Variants in RARB observed in about 807,000 individuals in gnomAD.
RARB encodes HBV-activated protein.
Under a neutral mutation model 51.9 loss-of-function variants are expected in RARB, and 17 were observed. That is an observed-to-expected ratio of 0.33 (90% confidence interval 0.22 to 0.49). RARB has a LOEUF of 0.49. Among genes scored for constraint, RARB ranks in the 20% least tolerant of loss-of-function variants. The probability of loss-of-function intolerance (pLI) is 0.99; values close to 1 mark genes in which losing one functional copy is unlikely to be tolerated. For synonymous variants in RARB, 215 were observed against 195.4 expected (o/e 1.10, Z -0.84); for missense variants, 369 against 550.8 (o/e 0.67, Z 3.30).
chr3:25,390,119 G>A (rs1037786084), intron 5 of RARB, among the ~76,000 whole-genome samples: 1 of 152,122 alleles, frequency 6.6e-6, no homozygotes, highest in African/African-American at 2.4e-5. Context: ...CCGATATGAT[G>A]ACATTAAGAG....
intron 3 of RARB, among the ~76,000 whole-genome samples, chr3:25,108,128 C>A (rs1275955246): frequency 6.6e-6 from 1 of 152,124 alleles, no homozygotes; most frequent in Non-Finnish European, 1.5e-5. Context: ...TGATTCATGT[C>A]TCGGGCAAGA....
rs141648165 is a variant in RARB at position 25,590,047 on chromosome 3, C to T, written c.787-3456C>T. 7.1e-3 allele frequency among the ~76,000 whole-genome samples: 1,087 copies of T among 152,232 alleles called. 6 individuals carry two copies. The highest frequency in any genetic ancestry group is 0.01 in the Non-Finnish European group (708 of 68,000). ...GGGCCATCCTGTTTCAGGCTGGGGC[C>T]GGGGCAGGGAAGGGAGGCTCCTCAG... is the stretch of plus-strand genomic sequence containing the variant. On this transcript the variant is annotated intron_variant, in intron 5 of 7. Coordinates refer to ENST00000330688, the MANE Select transcript of RARB (RefSeq NM_000965.5).
chr3:25,483,589 C>T (rs1366926586), intron 2 of RARB, among the ~76,000 whole-genome samples: 3 of 141,780 alleles, frequency 2.1e-5, no homozygotes, highest in Non-Finnish European at 4.5e-5. Flanking sequence ...TCCCATAGAG[C>T]TTCTGGTTCA....
At chr3:25,566,020 G>A (rs1234714471) in intron 3 of RARB, among the ~76,000 whole-genome samples, 2 of 152,090 alleles carry the variant, frequency 1.3e-5, no homozygotes, top group Non-Finnish European at 1.5e-5. Context: ...ACGAGTCCCT[G>A]CACTGCCCCA....
chr3:25,305,030 G>A (rs1475283149), intron 5 of RARB, among the ~76,000 whole-genome samples: 1 of 152,128 alleles, frequency 6.6e-6, no homozygotes, highest in Non-Finnish European at 1.5e-5. Flanking sequence ...GATACAAAGA[G>A]GCCAGGAGAT....
intron 5 of RARB, among the ~76,000 whole-genome samples, chr3:25,247,229 C>G (rs192786703): frequency 6.6e-6 from 1 of 152,206 alleles, no homozygotes; most frequent in Non-Finnish European, 1.5e-5. Context: ...GCAAGATATT[C>G]AAGCCAGTGG....
intron 5 of RARB, among the ~76,000 whole-genome samples, chr3:25,208,152 C>T (rs768433181): frequency 3.3e-5 from 5 of 152,082 alleles, no homozygotes; most frequent in Non-Finnish European, 2.9e-5. Context: ...CCCACATGAT[C>T]CAATCACCTT....
At chr3:24,944,542 G>A (rs919224770) in intron 2 of RARB, among the ~76,000 whole-genome samples, 1 of 152,166 alleles carries the variant, frequency 6.6e-6, no homozygotes, top group Non-Finnish European at 1.5e-5. Flanking sequence ...ACAAGTAGAA[G>A]TAATAGAGCT....
chr3:25,381,188 G>T (rs1454363173), intron 5 of RARB, among the ~76,000 whole-genome samples: 1 of 152,140 alleles, frequency 6.6e-6, no homozygotes, highest in Non-Finnish European at 1.5e-5. Context: ...AAATAAACTT[G>T]ACCAAGGCTA....
In RARB at chr3:25,274,267, C is replaced by T. The variant is rs891557777; in HGVS notation, c.178+99692C>T. ...TTTTTCATACTAAGTGTTCAAAATC[C>T]AGTGTGTATTTATACTAACAACACC... On this transcript the variant is annotated intron_variant, in intron 5 of 11. Coordinates refer to the RARB transcript ENST00000383772. Among the ~76,000 whole-genome samples, 3 of 152,050 alleles carry T rather than the reference C, an allele frequency of 2.0e-5. No homozygotes were observed. The East Asian group carries it at 5.8e-4, about 29-fold the overall frequency.
intron 2 of RARB, among the ~76,000 whole-genome samples, chr3:24,873,269 A>T (rs1026973414): frequency 6.6e-6 from 1 of 152,192 alleles, no homozygotes; most frequent in Non-Finnish European, 1.5e-5. Context: ...CTTTGTGAAC[A>T]TACTTTTTCT....
At chr3:25,386,802 T>C (rs1303275605) in intron 5 of RARB, among the ~76,000 whole-genome samples, 1 of 152,214 alleles carries the variant, frequency 6.6e-6, no homozygotes, top group African/African-American at 2.4e-5. Context: ...ATCTTGGGTG[T>C]CACCGCCCTT....
At chr3:25,356,131 G>A (rs1009466459) in intron 5 of RARB, among the ~76,000 whole-genome samples, 2 of 152,088 alleles carry the variant, frequency 1.3e-5, no homozygotes, top group Admixed American at 1.3e-4. Context: ...AGTAAGTGCT[G>A]TATCTATAGC....
chr3:25,531,198 AG>A (rs1255356245), intron 3 of RARB, among the ~76,000 whole-genome samples: 6 of 152,138 alleles, frequency 3.9e-5, no homozygotes, highest in Non-Finnish European at 7.4e-5. Flanking sequence ...GCACCAGTTA[AG>A]GGCTGAGGGC....
At chr3:24,955,371 G>T (rs1490851648) in intron 2 of RARB, among the ~76,000 whole-genome samples, 1 of 152,164 alleles carries the variant, frequency 6.6e-6, no homozygotes, top group African/African-American at 2.4e-5. Flanking sequence ...ACACAGCACA[G>T]GGGTGGGGCA....
chr3:25,023,545 A>G (rs1411686111), intron 2 of RARB, among the ~76,000 whole-genome samples: 2 of 152,174 alleles, frequency 1.3e-5, no homozygotes, highest in African/African-American at 4.8e-5. Context: ...TTAGGACTAC[A>G]TCACAAAGGG....
chr3:25,343,639 G>T (rs1705299575), intron 5 of RARB, among the ~76,000 whole-genome samples: 1 of 151,974 alleles, frequency 6.6e-6, no homozygotes, highest in Non-Finnish European at 1.5e-5. Flanking sequence ...AGCAATATTG[G>T]ATTAAATAGT....
intron 5 of RARB, among the ~76,000 whole-genome samples, chr3:25,175,101 C>T (rs1700718065): frequency 6.6e-6 from 1 of 152,148 alleles, no homozygotes; most frequent in African/African-American, 2.4e-5. Flanking sequence ...CCTTTTGTTT[C>T]TGTACTAGCT....
intron 5 of RARB, among the ~76,000 whole-genome samples, chr3:25,261,973 C>T (rs1214137942): frequency 1.3e-5 from 2 of 152,118 alleles, no homozygotes; most frequent in Non-Finnish European, 2.9e-5. Flanking sequence ...ATCCTATATC[C>T]TCTAACATGC....
Sources: allele counts gnomAD v4.1 joint callset (sites outside exome capture counted in the v4.1 genomes callset), GRCh38; gene constraint gnomAD v4.1.1; transcripts MANE v1.5; gene names NCBI Gene and HGNC (gene_info 2026-07-23, HGNC 2026-07-21).